The following ADGRB2 variants were observed in gnomAD, a reference collection of about 807,000 sequenced individuals.
ADGRB2 encodes the protein adhesion G protein-coupled receptor B2, also known as brain-specific angiogenesis inhibitor 2.
ADGRB2 carries 47 observed loss-of-function variants against 178.7 expected under a neutral mutation model. The ratio of observed to expected loss-of-function variants is 0.26; its 90% CI spans 0.21 to 0.34. The LOEUF is 0.34. Among genes scored for constraint, ADGRB2 ranks in the 10% least tolerant of loss-of-function variants. The pLI is 1.00. For synonymous variants in ADGRB2, 870 were observed against 912.4 expected (o/e 0.95, Z 0.84); for missense variants, 1,584 against 2,180.8 (o/e 0.73, Z 5.45).
Position 31,738,828 on chromosome 1 carries a change from T to C in ADGRB2, c.2601+4A>G. ...CCAAGGTCTCTGCATGGATCTCCACTCACATTGATGATGTAGGAGAGCTCC... is the reference window on the plus strand; with the variant it reads ...CCAAGGTCTCTGCATGGATCTCCACCCACATTGATGATGTAGGAGAGCTCC... On this transcript the variant is annotated splice_donor_region_variant and intron_variant, in intron 16 of 32. Coordinates refer to ENST00000373658, the MANE Select transcript of ADGRB2 (RefSeq NM_001364857.2). The C allele has an allele frequency of 6.2e-7, 1 of 1,613,892 alleles. No homozygotes were observed. The highest frequency in any genetic ancestry group is 8.5e-7 in the Non-Finnish European group (1 of 1,179,894).
chr1:31,742,817 A>G, intron 7 of ADGRB2, 21 bp downstream of exon 7: 1 of 1,414,414 alleles, frequency 7.1e-7, no homozygotes, highest in Non-Finnish European at 9.3e-7. Context: ...GCCCTCATGG[A>G]AGCCCACGGG....
In ADGRB2 at chr1:31,735,734, A is replaced by T; in HGVS notation, c.3268-69T>A. Reference sequence around the variant, plus strand: ...GTGCCCTCCTGGCAGGGAAATCCCCATGTGGGAGCTGGAGCGCAGGGAGGA... The same window carrying T: ...GTGCCCTCCTGGCAGGGAAATCCCCTTGTGGGAGCTGGAGCGCAGGGAGGA... On this transcript the variant is annotated intron_variant, in intron 23 of 32. Coordinates refer to ENST00000373658, the MANE Select transcript of ADGRB2 (RefSeq NM_001364857.2). This position sits in a 1 kb window ranked among gnomAD's most constrained non-coding sequence, Gnocchi z 6.0. The T allele has an allele frequency of 1.3e-6, 2 of 1,576,224 alleles. No individual in the cohort carries two copies. Among genetic ancestry groups the T allele is most frequent in the East Asian group, 4.5e-5 (2 of 44,360 alleles).
intron 1 of ADGRB2, among the ~76,000 whole-genome samples, chr1:31,763,599 G>C (rs533749916): frequency 2.7e-5 from 4 of 149,882 alleles, no homozygotes; most frequent in South Asian, 4.3e-4. Flanking sequence ...AATTCTGGAG[G>C]GGGAGACTTT....
At position 31,753,553 on chromosome 1, in the gene ADGRB2, G is replaced by A. The variant is rs1646687156; in HGVS notation, c.838+2446C>T. On this transcript the variant is annotated intron_variant, in intron 4 of 32. Transcript: ENST00000373658. This position sits in a 1 kb window ranked among gnomAD's most constrained non-coding sequence, Gnocchi z 4.1. The stretch of plus-strand genomic sequence containing the variant: ...TCCCTGCCCTGGTGCCTGGGAGAGG[G>A]GCCAGGACAAGGGTCTCACCCTTCC... Among the ~76,000 whole-genome samples the A allele has an allele frequency of 6.6e-6, 1 of 152,144 alleles. No individual in the cohort carries two copies. Among genetic ancestry groups the A allele is most frequent in the African/African-American group, 2.4e-5 (1 of 41,424 alleles).
chr1:31,763,753 T>G, intron 1 of ADGRB2, 131 bp downstream of exon 1: 1 of 977,182 alleles, frequency 1.0e-6, no homozygotes, highest in African/African-American at 1.8e-5. Context: ...ACGAACTCAG[T>G]TCGGGCTGGG....
chr1:31,760,277 G>A lies in ADGRB2; in HGVS notation c.-190-2766C>T, dbSNP rs78099836. Among the ~76,000 whole-genome samples the A allele has an allele frequency of 4.5e-3, 687 of 152,264 alleles. 1 individual carries two copies. Among genetic ancestry groups the A allele is most frequent in the African/African-American group, 0.016 (650 of 41,550 alleles). ...AGAGATGGGTGCGGAGCTGGCTGAA[G>A]TAGTCTCCCTCTCACTTTTAACCCT... On this transcript the variant is annotated intron_variant, in intron 1 of 32. Transcript: ENST00000373658.
At chr1:31,752,665 C>A (rs943489473) in intron 4 of ADGRB2, among the ~76,000 whole-genome samples, 3 of 151,928 alleles carry the variant, frequency 2.0e-5, no homozygotes, top group African/African-American at 7.3e-5. Context: ...GGGGAGAATT[C>A]GAAAGAAGGC....
intron 14 of ADGRB2, 107 bp from the exon 15 acceptor site, chr1:31,739,742 A>G (rs1645831888): frequency 7.5e-7 from 1 of 1,333,880 alleles, no homozygotes; most frequent in Non-Finnish European, 1.0e-6. Context: ...GGAAAGGTAG[A>G]TGTGGACACC....
rs1423086972 is a variant in ADGRB2, at chr1:31,727,996, C to T, written c.4572+29G>A. 2 of 1,536,176 alleles carry T rather than the reference C, an allele frequency of 1.3e-6. No homozygotes were observed. Among genetic ancestry groups the T allele is most frequent in the Admixed American group, 2.0e-5 (1 of 51,060 alleles). ...GAGGGCACGGGTCCCTCAGGCCCAC[C>T]TCACCCCACCCAGCCCGGGGGGACT... On this transcript the variant is annotated intron_variant, in intron 32 of 32. Transcript: ENST00000373658. The surrounding 1 kb of genome is among the most constrained non-coding windows in gnomAD (Gnocchi z 4.4).
chr1:31,732,616 G>T lies in ADGRB2; in HGVS notation c.3625-4C>A. 1 of 1,613,680 alleles carries T rather than the reference G, an allele frequency of 6.2e-7. No homozygotes were observed. Among genetic ancestry groups the T allele is most frequent in the Non-Finnish European group, 8.5e-7 (1 of 1,179,870 alleles). On this transcript the variant is annotated splice_polypyrimidine_tract_variant and splice_region_variant and intron_variant, in intron 26 of 32. Coordinates refer to ENST00000373658, the MANE Select transcript of ADGRB2 (RefSeq NM_001364857.2). ...GGCACTTCACCACATCCTGGACCTG[G>T]GGACAGAGGGCGCCTGCTGGGCCTG...
At position 31,739,362 on chromosome 1, in the gene ADGRB2, A is replaced by G; in HGVS notation, c.2441T>C (p.Phe814Ser). The G allele has an allele frequency of 5.3e-6, 8 of 1,503,510 alleles. No homozygotes were observed. Among genetic ancestry groups the G allele is most frequent in the Non-Finnish European group, 5.3e-6 (6 of 1,123,864 alleles). 93.1% of individuals were successfully genotyped at this position (1,503,510 alleles called of 1,614,324 possible). The change falls in exon 15 of 33, where the codon TTT becomes TCT. Residue 814 changes from phenylalanine (F) to serine (S), a missense_variant. Transcript: ENST00000373658. ...LPADPDESSY[F>S]VIGAVLYRTL... ...GCGGTAGAGTACAGCACCGATCACA[A>G]AGTAGGAGGACTCATCAGGGTCTGC...
intron 14 of ADGRB2, 64 bp from the exon 15 acceptor site, chr1:31,739,699 G>C: frequency 6.6e-7 from 1 of 1,506,884 alleles, no homozygotes; most frequent in Non-Finnish European, 9.0e-7. Context: ...GGCAGACCAG[G>C]GGAAGAGACA....
chr1:31,744,194 T>G lies in ADGRB2; in HGVS notation c.1086A>C (p.Pro362=). 1.3e-6 allele frequency: 2 copies of G among 1,529,870 alleles called. No individual in the cohort carries two copies. Among genetic ancestry groups the G allele is most frequent in the Non-Finnish European group, 1.8e-6 (2 of 1,133,680 alleles). 94.8% of individuals were successfully genotyped at this position (1,529,870 alleles called of 1,614,324 possible). The change falls in exon 6 of 33, where the codon CCA becomes CCC. Residue 362 remains proline, a splice_region_variant and synonymous_variant. Coordinates refer to ENST00000373658, the MANE Select transcript of ADGRB2 (RefSeq NM_001364857.2). The surrounding 1 kb of genome is among the most constrained non-coding windows in gnomAD (Gnocchi z 6.7). ...TRPCNNSATC[P]VHGVWEEWGS... is the part of the protein sequence containing the mutation. ...GGGTGGGGAGGAGGATGGGCCTACC[T>G]GGGCAGGTGGCTGAATTGTTGCAGG...
At position 31,759,547 on chromosome 1, in the gene ADGRB2, A is replaced by G. The variant is rs1646980711; in HGVS notation, c.-190-2036T>C. 1.2e-5 allele frequency: 7 copies of G among 579,960 alleles called. No homozygotes were observed. In the Admixed American group the frequency reaches 1.5e-4, roughly 12 times the overall value. The allele number at this position is 579,960 out of a possible 1,614,324, so 35.9% of individuals were successfully genotyped here. A position where few individuals can be genotyped will look rare whatever the true frequency, so the allele number is the denominator to read the frequency against. Reference sequence around the variant, plus strand: ...ATGGAGTCACTTTTAACCCAATCCAACCCCCCTCCTCCCCTCAGTCTCCTT... The same window carrying G: ...ATGGAGTCACTTTTAACCCAATCCAGCCCCCCTCCTCCCCTCAGTCTCCTT... On this transcript the variant is annotated intron_variant, in intron 1 of 32. Coordinates refer to ENST00000373658, the MANE Select transcript of ADGRB2 (RefSeq NM_001364857.2). The surrounding 1 kb of genome is among the most constrained non-coding windows in gnomAD (Gnocchi z 4.3).
chr1:31,763,058 G>A (rs985961482), intron 1 of ADGRB2, among the ~76,000 whole-genome samples: 11 of 152,258 alleles, frequency 7.2e-5, no homozygotes, highest in African/African-American at 2.7e-4. Context: ...TGGGGCTGCG[G>A]GAGGGTGCGT....
At position 31,727,545 on chromosome 1, in the gene ADGRB2, T is replaced by C; in HGVS notation, c.4633A>G (p.Ser1545Gly). The change falls in exon 33 of 33, where the codon AGC becomes GGC. Residue 1545 changes from serine to glycine, a missense_variant. Physicochemically the swap from Ser to Gly is moderately conservative, Grantham distance 56 (BLOSUM62 0). Transcript: ENST00000373658. The surrounding 1 kb of genome is among the most constrained non-coding windows in gnomAD (Gnocchi z 4.4). ...CCCAGTGTCATAGATTTGAAGGTGCTCCAGCTCTGATGGCGCCGATGTTGG... is the reference window on the plus strand; with the variant it reads ...CCCAGTGTCATAGATTTGAAGGTGCCCCAGCTCTGATGGCGCCGATGTTGG... ...LSQHRRHQSWSTFKSMTLGSL... is the reference protein window; with the variant it reads ...LSQHRRHQSWGTFKSMTLGSL... 6.3e-7 allele frequency: 1 copy of C among 1,590,872 alleles called. No individual in the cohort carries two copies. Among genetic ancestry groups the C allele is most frequent in the Non-Finnish European group, 8.5e-7 (1 of 1,172,914 alleles).
In ADGRB2 at chr1:31,731,200, C is replaced by G. The variant is rs1405854477; in HGVS notation, c.3980G>C (p.Cys1327Ser). ...CAGCTGCCGCAGGCCACCCTCCCCA[C>G]ACATGTAAACAGGGTTGGCCTCCTG... ...PPQEANPVYM[C>S]GEGGLRQLDL... is the part of the protein sequence containing the mutation. Residue 1327 changes from cysteine (C) to serine (S), a missense_variant, in exon 29 of 33, where the codon TGT becomes TCT. Physicochemically the swap from Cys to Ser is moderately radical, Grantham distance 112. This residue lies in a region of ADGRB2 where 865 missense variants were observed against 1,192.8 expected (regional missense o/e 0.73). Transcript: ENST00000373658. 6.2e-7 allele frequency: 1 copy of G among 1,600,532 alleles called. No individual in the cohort carries two copies. Among genetic ancestry groups the G allele is most frequent in the South Asian group, 1.1e-5 (1 of 88,960 alleles).
rs890752768 is a variant in ADGRB2 at position 31,759,932 on chromosome 1, C to G, written c.-190-2421G>C. Among the ~76,000 whole-genome samples the G allele has an allele frequency of 1.3e-5, 2 of 152,170 alleles. No individual in the cohort carries two copies. The highest frequency in any genetic ancestry group is 2.9e-5 in the Non-Finnish European group (2 of 68,036). On this transcript the variant is annotated intron_variant, in intron 1 of 32. Transcript: ENST00000373658. This position sits in a 1 kb window ranked among gnomAD's most constrained non-coding sequence, Gnocchi z 4.3. The stretch of plus-strand genomic sequence containing the variant: ...CTCTCTGTGCAATGCAGACCATGAG[C>G]CTTGCCCTGGGGATGGCAGACACCT...
rs974491890 is a variant in ADGRB2 at position 31,754,432 on chromosome 1, G to A, written c.838+1567C>T. On this transcript the variant is annotated intron_variant, in intron 4 of 32. Coordinates refer to ENST00000373658, the MANE Select transcript of ADGRB2 (RefSeq NM_001364857.2). The surrounding 1 kb of genome is among the most constrained non-coding windows in gnomAD (Gnocchi z 5.7). Reference sequence around the variant, plus strand: ...CCCCCACAGAGTGACAGGCAGTGGTGGCCATGCAGGAAGAGCCATAAGCCT... The same window carrying A: ...CCCCCACAGAGTGACAGGCAGTGGTAGCCATGCAGGAAGAGCCATAAGCCT... Among the ~76,000 whole-genome samples the A allele has an allele frequency of 2.0e-5, 3 of 152,276 alleles. No homozygotes were observed. The highest frequency in any genetic ancestry group is 7.2e-5 in the African/African-American group (3 of 41,482).
Sources: gnomAD v4.1 joint callset for allele counts (sites outside exome capture counted in the v4.1 genomes callset) on GRCh38, gnomAD v4.1.1 for gene constraint, gnomAD v4.1.1 regional missense constraint, Gnocchi (gnomAD v3.1) non-coding constraint, MANE v1.5 for transcripts, NCBI Gene and HGNC (gene_info 2026-07-23, HGNC 2026-07-21) for gene names.